HHAT: variants seen among roughly 807,000 people sequenced by gnomAD.
HHAT encodes hedgehog acyltransferase, also known as protein-cysteine N-palmitoyltransferase HHAT.
In HHAT, 47 loss-of-function variants were observed where a neutral mutation model predicts 70.8. The ratio of observed to expected loss-of-function variants is 0.66; its 90% CI spans 0.53 to 0.85. HHAT has a LOEUF of 0.85. Ranked by LOEUF, HHAT falls within the 40% of genes least tolerant of loss-of-function variation. The pLI, the probability that HHAT is intolerant of heterozygous loss-of-function variation, is 0.00. For missense variants in HHAT, 609 were observed against 604.8 expected (o/e 1.01, Z -0.07); for synonymous variants, 228 against 247.6 (o/e 0.92, Z 0.74).
intron 9 of HHAT, among the ~76,000 whole-genome samples, chr1:210,516,049 G>T (rs2095051062): frequency 6.6e-6 from 1 of 151,346 alleles, no homozygotes; most frequent in Admixed American, 6.6e-5. Flanking sequence ...CAGCCTGGGT[G>T]ACAGAGTAAG....
chr1:210,344,589 G>C (rs6671496), intron 1 of HHAT, among the ~76,000 whole-genome samples: 67,370 of 151,928 alleles, frequency 0.44, 15,570 homozygotes, highest in African/African-American at 0.55. Context: ...TCATAAAGTG[G>C]CTTAGCCATC....
At chr1:210,443,325 C>G (rs1298781257) in intron 7 of HHAT, among the ~76,000 whole-genome samples, 1 of 151,526 alleles carries the variant, frequency 6.6e-6, no homozygotes, top group Non-Finnish European at 1.5e-5. Flanking sequence ...CTTGGCGATG[C>G]GGGCTCTTTT....
At chr1:210,487,689 A>G (rs1221050761) in intron 8 of HHAT, among the ~76,000 whole-genome samples, 5 of 152,234 alleles carry the variant, frequency 3.3e-5, no homozygotes, top group African/African-American at 1.2e-4. Context: ...ACTGAGAACC[A>G]GCCAACATAG....
At chr1:210,361,922 G>A (rs905675108) in intron 2 of HHAT, among the ~76,000 whole-genome samples, 1 of 152,056 alleles carries the variant, frequency 6.6e-6, no homozygotes, top group Non-Finnish European at 1.5e-5. Context: ...CTGCATCATG[G>A]CACTGATCAG....
chr1:210,387,233 G>A (rs999624278), intron 3 of HHAT, among the ~76,000 whole-genome samples: 4 of 152,154 alleles, frequency 2.6e-5, no homozygotes, highest in Non-Finnish European at 1.5e-5. Flanking sequence ...TTGGGGAATG[G>A]CAATGGCAAT....
At chr1:210,519,123 A>T (rs191235824) in intron 9 of HHAT, among the ~76,000 whole-genome samples, 1 of 152,134 alleles carries the variant, frequency 6.6e-6, no homozygotes, top group Non-Finnish European at 1.5e-5. Flanking sequence ...AACAGGTGCT[A>T]TGTGTCCCTA....
intron 8 of HHAT, among the ~76,000 whole-genome samples, chr1:210,496,542 T>A (rs1227708172): frequency 6.6e-6 from 1 of 152,216 alleles, no homozygotes. Flanking sequence ...AGGGCCATCA[T>A]GGAGACTGGC....
Position 210,582,119 on chromosome 1 carries a change from A to G in HHAT, c.1044-5779A>G, listed in dbSNP as rs1317179004. On this transcript the variant is annotated intron_variant, in intron 9 of 11. Coordinates refer to ENST00000261458, the MANE Select transcript of HHAT (RefSeq NM_018194.6). ...GAGACTTCCTGGAGTTGGGAAATCA[A>G]CTGGATTTTGTAGACTGAGTAGGTG... 4.6e-5 allele frequency among the ~76,000 whole-genome samples: 7 copies of G among 152,360 alleles called. No individual in the cohort carries two copies. The East Asian group carries it at 5.8e-4, about 13-fold the overall frequency.
chr1:210,620,432 A>T (rs1462548239), intron 10 of HHAT, among the ~76,000 whole-genome samples: 1 of 152,168 alleles, frequency 6.6e-6, no homozygotes, highest in Non-Finnish European at 1.5e-5. Context: ...CTTTGCTGTT[A>T]GTTATTACCC....
At chr1:210,604,801 A>C (rs1460648252) in intron 10 of HHAT, among the ~76,000 whole-genome samples, 2 of 152,280 alleles carry the variant, frequency 1.3e-5, no homozygotes, top group Admixed American at 6.5e-5. Flanking sequence ...GAATCCTTTG[A>C]GGCCAGGAGT....
intron 10 of HHAT, chr1:210,588,390 C>T: frequency 3.2e-6 from 1 of 310,894 alleles, no homozygotes; most frequent in Non-Finnish European, 6.0e-6. Flanking sequence ...TGTTAAGATC[C>T]ATTCTTCTAA....
intron 1 of HHAT, among the ~76,000 whole-genome samples, chr1:210,343,391 G>C (rs2086208852): frequency 6.6e-6 from 1 of 152,116 alleles, no homozygotes. Context: ...CCTTCCTTCA[G>C]TCTCCTAATG....
chr1:210,540,047 T>C (rs2148657475), intron 9 of HHAT, among the ~76,000 whole-genome samples: 1 of 152,328 alleles, frequency 6.6e-6, no homozygotes, highest in South Asian at 2.1e-4. Flanking sequence ...CTCAGTAGGC[T>C]TAATACCTAA....
intron 9 of HHAT, among the ~76,000 whole-genome samples, chr1:210,582,826 A>G (rs1396149586): frequency 6.6e-6 from 1 of 152,162 alleles, no homozygotes; most frequent in Non-Finnish European, 1.5e-5. Flanking sequence ...CGGAAGTTAT[A>G]CCTCTTGTCT....
intron 8 of HHAT, among the ~76,000 whole-genome samples, chr1:210,502,711 T>C (rs910437156): frequency 6.6e-6 from 1 of 152,228 alleles, no homozygotes; most frequent in African/African-American, 2.4e-5. Context: ...TTTGTGATGA[T>C]GCTTTGTAAA....
At position 210,378,041 on chromosome 1, in the gene HHAT, C is replaced by A. The variant is rs1013256972; in HGVS notation, c.160-9427C>A. On this transcript the variant is annotated intron_variant, in intron 3 of 11. Coordinates refer to ENST00000261458, the MANE Select transcript of HHAT (RefSeq NM_018194.6). ...GCAGTAAAATGATTTAGTTCAAATT[C>A]TTTTAGAAATAGAAAAGCAGCTGTT... Among the ~76,000 whole-genome samples, 2 of 152,198 alleles carry A rather than the reference C, an allele frequency of 1.3e-5. 1 individual carries two copies. Among genetic ancestry groups the A allele is most frequent in the African/African-American group, 4.8e-5 (2 of 41,442 alleles).
At chr1:210,331,312 T>C (rs2084967282) in intron 1 of HHAT, among the ~76,000 whole-genome samples, 3 of 152,074 alleles carry the variant, frequency 2.0e-5, no homozygotes. Context: ...GCCTACTTCA[T>C]AGTCTCATTT....
intron 10 of HHAT, chr1:210,588,333 A>T: frequency 2.3e-6 from 1 of 437,506 alleles, no homozygotes; most frequent in East Asian, 3.6e-5. Flanking sequence ...TGTATTATGT[A>T]AAAATTAGAA....
intron 11 of HHAT, among the ~76,000 whole-genome samples, chr1:210,632,255 T>C (rs1671011050): frequency 1.3e-5 from 2 of 152,192 alleles, no homozygotes; most frequent in Admixed American, 1.3e-4. Flanking sequence ...GAAGTGATAA[T>C]GAAGCAGCAT....
Sources: gnomAD v4.1 joint callset for allele counts (sites outside exome capture counted in the v4.1 genomes callset) on GRCh38, gnomAD v4.1.1 for gene constraint, MANE v1.5 for transcripts, NCBI Gene and HGNC (gene_info 2026-07-23, HGNC 2026-07-21) for gene names.